Variants in SP4 observed in about 807,000 individuals in gnomAD.
SP4 encodes Sp4 transcription factor, also known as transcription factor Sp4.
SP4 carries 19 observed loss-of-function variants against 72.8 expected under a neutral mutation model. That is an observed-to-expected ratio of 0.26 (90% CI 0.18 to 0.38). SP4 has a LOEUF of 0.38. Among genes scored for constraint, SP4 ranks in the 10% least tolerant of loss-of-function variants. SP4 has a pLI of 1.00. For missense variants in SP4, 1,008 were observed against 926.3 expected (o/e 1.09, Z -1.14); for synonymous variants, 395 against 333.1 (o/e 1.19, Z -2.02).
At position 21,511,398 on chromosome 7, in the gene SP4, C is replaced by A; in HGVS notation, c.*129C>A. 2 of 996,916 alleles carry A rather than the reference C, an allele frequency of 2.0e-6. No homozygotes were observed. Among genetic ancestry groups the A allele is most frequent in the Non-Finnish European group, 1.5e-6 (1 of 687,190 alleles). The allele number at this position is 996,916 out of a possible 1,614,324, so 61.8% of individuals were successfully genotyped here. Reference sequence around the variant, plus strand: ...TTCATTCTTGGCTTCTTTAAGTATTCCAGGGTTTGGGGTCAACACGTGAAG... The same window carrying A: ...TTCATTCTTGGCTTCTTTAAGTATTACAGGGTTTGGGGTCAACACGTGAAG... On this transcript the variant is annotated 3_prime_UTR_variant, in exon 6 of 6. Coordinates refer to ENST00000222584, the MANE Select transcript of SP4 (RefSeq NM_003112.5).
intron 3 of SP4, among the ~76,000 whole-genome samples, chr7:21,447,787 G>T (rs968519341): frequency 2.0e-5 from 3 of 152,170 alleles, no homozygotes; most frequent in Non-Finnish European, 2.9e-5. Context: ...AGGTTCAAGC[G>T]ATTCTCTTGT....
At chr7:21,476,225 G>A (rs1332184484) in intron 3 of SP4, among the ~76,000 whole-genome samples, 2 of 128,028 alleles carry the variant, frequency 1.6e-5, no homozygotes, top group Non-Finnish European at 3.1e-5. Context: ...AGTGAGCCGA[G>A]ATCGTGCTAC....
intron 5 of SP4, among the ~76,000 whole-genome samples, chr7:21,485,367 T>TA (rs1784785908): frequency 6.6e-6 from 1 of 151,954 alleles, no homozygotes; most frequent in Non-Finnish European, 1.5e-5. Flanking sequence ...AAACAATATA[T>TA]GCATATGGTA....
chr7:21,459,282 GCTAA>G (rs1413784251), intron 3 of SP4, among the ~76,000 whole-genome samples: 3 of 152,216 alleles, frequency 2.0e-5, no homozygotes, highest in Admixed American at 1.3e-4. Flanking sequence ...ACCACGCCCG[GCTAA>G]CTTTTTGTAT....
In SP4 at chr7:21,430,785, C is replaced by G; in HGVS notation, c.1620C>G (p.Asn540Lys). The change falls in exon 3 of 6, where the codon AAC becomes AAG. Residue 540 changes from asparagine (N) to lysine (K), a missense_variant. Physicochemically the swap from Asn to Lys is moderately conservative, Grantham distance 94 (BLOSUM62 0). This residue lies in a region of SP4 where 893 missense variants were observed against 743.3 expected (regional missense o/e 1.20). Coordinates refer to ENST00000222584, the MANE Select transcript of SP4 (RefSeq NM_003112.5). ...VPNLQTVSVA[N>K]LGAAGVQVQG... ...ACCTTCAGACAGTGAGCGTTGCCAA[C>G]CTGGGTGCTGCAGGTGTTCAAGTGC... is the stretch of plus-strand genomic sequence containing the variant. 6.2e-7 allele frequency: 1 copy of G among 1,614,150 alleles called. No homozygotes were observed. The highest frequency in any genetic ancestry group is 8.5e-7 in the Non-Finnish European group (1 of 1,180,012).
chr7:21,436,867 T>G (rs369153409), intron 3 of SP4, among the ~76,000 whole-genome samples: 31 of 152,328 alleles, frequency 2.0e-4, no homozygotes, highest in African/African-American at 6.7e-4. Context: ...CCTTCTTTCC[T>G]TAGCCCTATT....
chr7:21,451,131 T>C (rs908449589), intron 3 of SP4, among the ~76,000 whole-genome samples: 1 of 152,230 alleles, frequency 6.6e-6, no homozygotes, highest in African/African-American at 2.4e-5. Flanking sequence ...TGAAGTTTTA[T>C]GCATGCTCTC....
Position 21,429,611 on chromosome 7 carries a change from G to C in SP4, c.446G>C (p.Gly149Ala). The C allele has an allele frequency of 6.2e-7, 1 of 1,614,114 alleles. No individual in the cohort carries two copies. Among genetic ancestry groups the C allele is most frequent in the Non-Finnish European group, 8.5e-7 (1 of 1,179,992 alleles). The change falls in exon 3 of 6, where the codon GGT becomes GCT. Residue 149 changes from glycine to alanine, a missense_variant. Physicochemically the swap from Gly to Ala is moderately conservative, Grantham distance 60. This residue lies in a region of SP4 where 893 missense variants were observed against 743.3 expected (regional missense o/e 1.20). Coordinates refer to ENST00000222584, the MANE Select transcript of SP4 (RefSeq NM_003112.5). ...AAATCAGGTAATTCTTCCACCCCTG[G>C]TCAATTTCAAGTCATACAAGTACAA... ...KTKSGNSSTP[G>A]QFQVIQVQNP...
At position 21,439,844 on chromosome 7, in the gene SP4, A is replaced by G. The variant is rs576749769; in HGVS notation, c.1678+9001A>G. On this transcript the variant is annotated intron_variant, in intron 3 of 5. Coordinates refer to ENST00000222584, the MANE Select transcript of SP4 (RefSeq NM_003112.5). The stretch of plus-strand genomic sequence containing the variant: ...ACTCAAGAGTTCTGTTTAAGGTTAT[A>G]GTAAGCTATGATTGTCACTGCACTC... Among the ~76,000 whole-genome samples, 15 of 152,302 alleles carry G rather than the reference A, an allele frequency of 9.8e-5. No homozygotes were observed. In the South Asian group the frequency reaches 3.1e-3, roughly 32 times the overall value.
At chr7:21,449,579 G>A (rs1365785934) in intron 3 of SP4, among the ~76,000 whole-genome samples, 4 of 152,086 alleles carry the variant, frequency 2.6e-5, no homozygotes, top group Non-Finnish European at 4.4e-5. Context: ...ATACGTGTGT[G>A]TATATATACA....
In SP4 at chr7:21,511,159, T is replaced by C. The variant is rs1438306912; in HGVS notation, c.2245T>C (p.Ser749Pro). 1 of 1,614,180 alleles carries C rather than the reference T, an allele frequency of 6.2e-7. No individual in the cohort carries two copies. Among genetic ancestry groups the C allele is most frequent in the Admixed American group, 1.7e-5 (1 of 60,028 alleles). Reference protein sequence around the residue: ...LAIVTSGELDSSVTEVLGSPR... With the variant: ...LAIVTSGELDPSVTEVLGSPR... ...CATTGTTACCTCGGGAGAACTGGACTCATCTGTTACAGAGGTGCTTGGCTC... is the reference window on the plus strand; with the variant it reads ...CATTGTTACCTCGGGAGAACTGGACCCATCTGTTACAGAGGTGCTTGGCTC... Residue 749 changes from serine (S) to proline (P), a missense_variant, in exon 6 of 6, where the codon TCA (serine) becomes CCA (proline). By Grantham distance (74) the Ser-to-Pro change is moderately conservative. This residue lies in a region of SP4 where 67 missense variants were observed against 66.1 expected (regional missense o/e 1.01). Transcript: ENST00000222584.
At chr7:21,449,968 C>T (rs2128398133) in intron 3 of SP4, among the ~76,000 whole-genome samples, 1 of 152,050 alleles carries the variant, frequency 6.6e-6, no homozygotes, top group South Asian at 2.1e-4. Context: ...TACAGTTTCT[C>T]CATCTAGCAA....
At chr7:21,501,499 ATTTG>A (rs1781861193) in intron 5 of SP4, among the ~76,000 whole-genome samples, 1 of 152,172 alleles carries the variant, frequency 6.6e-6, no homozygotes, top group African/African-American at 2.4e-5. Context: ...AGTCATGGGC[ATTTG>A]TTTATTAATA....
intron 3 of SP4, among the ~76,000 whole-genome samples, chr7:21,455,873 C>T (rs1783748448): frequency 6.6e-6 from 1 of 152,164 alleles, no homozygotes; most frequent in Non-Finnish European, 1.5e-5. Flanking sequence ...TTCTCAGATT[C>T]CCATTTTCCG....
chr7:21,461,755 G>A (rs1308871356), intron 3 of SP4, among the ~76,000 whole-genome samples: 2 of 152,180 alleles, frequency 1.3e-5, no homozygotes, highest in Non-Finnish European at 2.9e-5. Context: ...AGGCCGAGGA[G>A]GCACCGAGAG....
intron 3 of SP4, among the ~76,000 whole-genome samples, chr7:21,461,214 G>GCAGT (rs1783966754): frequency 6.6e-6 from 1 of 152,152 alleles, no homozygotes; most frequent in Non-Finnish European, 1.5e-5. Context: ...CAGCCCTTGG[G>GCAGT]CAGTCGATGG....
rs1402993501 is a variant in SP4 at position 21,428,123 on chromosome 7, C to T, written c.-129C>T. 1.1e-5 allele frequency: 8 copies of T among 710,470 alleles called. No homozygotes were observed. Among genetic ancestry groups the T allele is most frequent in the Admixed American group, 2.0e-5 (1 of 49,544 alleles). 44.0% of individuals were successfully genotyped at this position (710,470 alleles called of 1,614,324 possible). The stretch of plus-strand genomic sequence containing the variant: ...CCATTCGCGGAAAAAGAGGCAGAGC[C>T]TGTGCCAGCTACAGCCTCCTCCGAG... On this transcript the variant is annotated 5_prime_UTR_variant, in exon 1 of 6. Coordinates refer to ENST00000222584, the MANE Select transcript of SP4 (RefSeq NM_003112.5).
At chr7:21,480,817 A>T (rs1784663696) in intron 4 of SP4, among the ~76,000 whole-genome samples, 1 of 152,176 alleles carries the variant, frequency 6.6e-6, no homozygotes, top group South Asian at 2.1e-4. Flanking sequence ...TTTTGAAACC[A>T]TCTCTACTTT....
chr7:21,467,542 C>T (rs1219546895), intron 3 of SP4, among the ~76,000 whole-genome samples: 1 of 152,092 alleles, frequency 6.6e-6, no homozygotes, highest in Non-Finnish European at 1.5e-5. Flanking sequence ...CAGCCCTAAG[C>T]ATATTTGGTT....
Sources: gnomAD v4.1 joint callset for allele counts (sites outside exome capture counted in the v4.1 genomes callset) on GRCh38, gnomAD v4.1.1 for gene constraint, gnomAD v4.1.1 regional missense constraint, MANE v1.5 for transcripts, NCBI Gene and HGNC (gene_info 2026-07-23, HGNC 2026-07-21) for gene names.